The following ZNF385D variants were observed in gnomAD, a reference collection of about 807,000 sequenced individuals.
ZNF385D encodes zinc finger protein 659.
A neutral mutation model predicts 35.8 loss-of-function variants in ZNF385D; 15 were observed. The observed-to-expected ratio is 0.42, with a 90% CI of 0.28 to 0.64. ZNF385D has a LOEUF of 0.64. Among genes scored for constraint, ZNF385D ranks in the 30% least tolerant of loss-of-function variants. The pLI is 0.23. For synonymous variants in ZNF385D, 212 were observed against 186.8 expected (o/e 1.13, Z -1.10); for missense variants, 474 against 494.6 (o/e 0.96, Z 0.39).
chr3:21,645,457 A>C (rs2065723495), intron 2 of ZNF385D, among the ~76,000 whole-genome samples: 1 of 152,136 alleles, frequency 6.6e-6, no homozygotes, highest in African/African-American at 2.4e-5. Context: ...AAGGTGGGGG[A>C]TCTTAACTGC....
intron 3 of ZNF385D, among the ~76,000 whole-genome samples, chr3:21,981,487 G>A (rs1209322613): frequency 6.6e-6 from 1 of 151,912 alleles, no homozygotes; most frequent in African/African-American, 2.4e-5. Flanking sequence ...ATGCATAGTT[G>A]GCAAAAATTT....
chr3:21,828,187 A>T (rs1032763469), intron 3 of ZNF385D, among the ~76,000 whole-genome samples: 1 of 152,202 alleles, frequency 6.6e-6, no homozygotes, highest in African/African-American at 2.4e-5. Flanking sequence ...AACCAGAGCT[A>T]TATTTCCCAG....
At chr3:21,800,090 C>T (rs935366771) in intron 3 of ZNF385D, among the ~76,000 whole-genome samples, 12 of 152,192 alleles carry the variant, frequency 7.9e-5, no homozygotes, top group Middle Eastern at 3.2e-3. Flanking sequence ...CACTTCTAAT[C>T]TAATTATCTC....
chr3:21,625,368 A>G (rs926036624), intron 2 of ZNF385D, among the ~76,000 whole-genome samples: 1 of 152,064 alleles, frequency 6.6e-6, no homozygotes, highest in African/African-American at 2.4e-5. Flanking sequence ...GGGCATACTG[A>G]AGTGGAAAGT....
At chr3:21,512,899 T>C (rs1173499879) in intron 3 of ZNF385D, among the ~76,000 whole-genome samples, 3 of 152,192 alleles carry the variant, frequency 2.0e-5, no homozygotes, top group Non-Finnish European at 2.9e-5. Context: ...TCTTTAGGCA[T>C]CTGGATATAT....
intron 3 of ZNF385D, among the ~76,000 whole-genome samples, chr3:22,085,804 A>C (rs1275356737): frequency 1.3e-5 from 2 of 152,214 alleles, no homozygotes; most frequent in Non-Finnish European, 2.9e-5. Context: ...AAAAATCCTC[A>C]ATAAAATACT....
At chr3:22,081,733 T>C (rs768614763) in intron 3 of ZNF385D, among the ~76,000 whole-genome samples, 1 of 152,176 alleles carries the variant, frequency 6.6e-6, no homozygotes, top group Admixed American at 6.5e-5. Context: ...GGCAGAGTAG[T>C]TATGACAAAG....
chr3:22,363,569 A>AT (rs1696515302), intron 2 of ZNF385D, among the ~76,000 whole-genome samples: 1 of 152,100 alleles, frequency 6.6e-6, no homozygotes, highest in Non-Finnish European at 1.5e-5. Flanking sequence ...CATGAGAAAC[A>AT]TTTTTTTCAG....
chr3:21,803,863 G>A (rs1438168838), intron 3 of ZNF385D, among the ~76,000 whole-genome samples: 1 of 152,174 alleles, frequency 6.6e-6, no homozygotes, highest in African/African-American at 2.4e-5. Flanking sequence ...AGGTTCCCAT[G>A]GGATAATTAA....
intron 1 of ZNF385D, among the ~76,000 whole-genome samples, chr3:21,673,357 CCATTCTCACA>C (rs2066632504): frequency 6.6e-6 from 1 of 152,124 alleles, no homozygotes; most frequent in Non-Finnish European, 1.5e-5. Context: ...TAAAACACTT[CCATTCTCACA>C]GAAGGTGCTA....
chr3:21,796,434 T>TC (rs1328537181), intron 3 of ZNF385D, among the ~76,000 whole-genome samples: 3 of 152,114 alleles, frequency 2.0e-5, no homozygotes, highest in Admixed American at 1.3e-4. Context: ...AAATTAGACA[T>TC]CACTACCAAG....
chr3:22,281,691 TGTG>T, intron 2 of ZNF385D, among the ~76,000 whole-genome samples: 1 of 152,012 alleles, frequency 6.6e-6, no homozygotes, highest in East Asian at 1.9e-4. Context: ...GGAACACTGG[TGTG>T]TACTTTTCTT....
intron 2 of ZNF385D, among the ~76,000 whole-genome samples, chr3:22,233,405 T>C (rs145583180): frequency 6.6e-6 from 1 of 151,804 alleles, no homozygotes; most frequent in African/African-American, 2.4e-5. Context: ...AGATCAGTGG[T>C]TGCCTGGGGC....
intron 3 of ZNF385D, among the ~76,000 whole-genome samples, chr3:22,001,019 G>T (rs9834074): frequency 0.65 from 99,073 of 151,690 alleles, 33,561 homozygotes; most frequent in African/African-American, 0.81. Flanking sequence ...GGAATCAAAG[G>T]TTACTGAATG....
chr3:21,604,293 A>C (rs2125772462), intron 2 of ZNF385D, among the ~76,000 whole-genome samples: 1 of 152,328 alleles, frequency 6.6e-6, no homozygotes, highest in Middle Eastern at 3.4e-3. Context: ...ATGCTTCAAA[A>C]GTGTCCTAGA....
intron 3 of ZNF385D, among the ~76,000 whole-genome samples, chr3:21,794,620 G>A (rs751320279): frequency 6.6e-6 from 1 of 152,148 alleles, no homozygotes. Flanking sequence ...GATGGAAGGG[G>A]CTAGCTAACT....
In ZNF385D at chr3:21,437,187, T is replaced by A; in HGVS notation, c.456A>T (p.Thr152=). Residue 152 remains threonine (T), a synonymous_variant, in exon 5 of 8, where the codon ACA becomes ACT. Coordinates refer to ENST00000281523, the MANE Select transcript of ZNF385D (RefSeq NM_024697.3). ...CAGTTGTCGTCGTTGATATTGCTGG[T>A]GTCCCTGCAGTACCGTCTGTATTCA... ...SSDKTDGTAG[T]PAISTTTTVE... 6.2e-7 allele frequency: 1 copy of A among 1,613,664 alleles called. No homozygotes were observed. Among genetic ancestry groups the A allele is most frequent in the Non-Finnish European group, 8.5e-7 (1 of 1,179,752 alleles).
chr3:21,846,910 C>T (rs1434931008), intron 3 of ZNF385D, among the ~76,000 whole-genome samples: 1 of 151,994 alleles, frequency 6.6e-6, no homozygotes, highest in African/African-American at 2.4e-5. Context: ...AACTGATAAC[C>T]TATTAGTGGT....
intron 2 of ZNF385D, among the ~76,000 whole-genome samples, chr3:22,321,736 A>G (rs1694444626): frequency 6.6e-6 from 1 of 152,076 alleles, no homozygotes; most frequent in Admixed American, 6.6e-5. Flanking sequence ...CTTATTTCAA[A>G]TGCTATTTCC....
Sources: gnomAD v4.1 joint callset for allele counts (sites outside exome capture counted in the v4.1 genomes callset) on GRCh38, gnomAD v4.1.1 for gene constraint, MANE v1.5 for transcripts, NCBI Gene and HGNC (gene_info 2026-07-23, HGNC 2026-07-21) for gene names.